PLEKHA6: variants seen among roughly 807,000 people sequenced by gnomAD.
The protein encoded by PLEKHA6 is pleckstrin homology domain containing A6.
PLEKHA6 carries 60 observed loss-of-function variants against 116.7 expected under a neutral mutation model. The ratio of observed to expected loss-of-function variants is 0.51; its 90% CI spans 0.42 to 0.64. The LOEUF is 0.64. PLEKHA6 is among the 30% of genes least tolerant of loss of function. The probability of loss-of-function intolerance (pLI) is 0.00; values close to 1 mark genes in which losing one functional copy is unlikely to be tolerated. For synonymous variants in PLEKHA6, 489 were observed against 556.1 expected, an observed-to-expected ratio of 0.88 and a Z score of 1.70; for missense variants, 1,338 against 1,422.7, an observed-to-expected ratio of 0.94 and a Z score of 0.96.
In PLEKHA6 at chr1:204,259,207, C is replaced by T; in HGVS notation, c.1007+51G>A. 1 of 1,583,874 alleles carries T rather than the reference C, an allele frequency of 6.3e-7. No individual in the cohort carries two copies. The highest frequency in any genetic ancestry group is 8.6e-7 in the Non-Finnish European group (1 of 1,166,600). ...CGTGGGCTATGACCCCACTCGCACG[C>T]TCTAGCCATAATACCATATCAGCCC... On this transcript the variant is annotated intron_variant, in intron 8 of 22. Coordinates refer to ENST00000272203, the MANE Select transcript of PLEKHA6 (RefSeq NM_014935.5). This position sits in a 1 kb window ranked among gnomAD's most constrained non-coding sequence, Gnocchi z 4.6.
chr1:204,374,424 G>A (rs1572239866), intron 1 of PLEKHA6, among the ~76,000 whole-genome samples: 1 of 152,146 alleles, frequency 6.6e-6, no homozygotes, highest in Non-Finnish European at 1.5e-5. Flanking sequence ...AGGATCTTAT[G>A]TCTTAATGAA....
chr1:204,367,480 G>A (rs1182164617), intron 3 of PLEKHA6, among the ~76,000 whole-genome samples: 1 of 152,134 alleles, frequency 6.6e-6, no homozygotes, highest in African/African-American at 2.4e-5. Context: ...CTGCCTGTGT[G>A]TCTAGAACAG....
In PLEKHA6 at chr1:204,257,957, G is replaced by A; in HGVS notation, c.1008-88C>T. ...CCCCACCTCCAGGTCCCCCAGCCTA[G>A]AGCAGGGTGCTTGAATAGGTACACA... is the stretch of plus-strand genomic sequence containing the variant. On this transcript the variant is annotated intron_variant, in intron 8 of 22. Coordinates refer to ENST00000272203, the MANE Select transcript of PLEKHA6 (RefSeq NM_014935.5). The surrounding 1 kb of genome is among the most constrained non-coding windows in gnomAD (Gnocchi z 6.5). 8.0e-7 allele frequency: 1 copy of A among 1,254,794 alleles called. No individual in the cohort carries two copies. Among genetic ancestry groups the A allele is most frequent in the East Asian group, 2.4e-5 (1 of 41,998 alleles). 77.7% of individuals were successfully genotyped at this position (1,254,794 alleles called of 1,614,324 possible).
intron 3 of PLEKHA6, among the ~76,000 whole-genome samples, chr1:204,366,954 G>T (rs1033591839): frequency 3.9e-5 from 6 of 152,180 alleles, no homozygotes; most frequent in Admixed American, 1.3e-4. Context: ...CTAGACTGGG[G>T]CTCCCTCTGG....
intron 1 of PLEKHA6, among the ~76,000 whole-genome samples, chr1:204,314,932 T>G (rs1671797728): frequency 6.6e-6 from 1 of 152,138 alleles, no homozygotes; most frequent in Non-Finnish European, 1.5e-5. Context: ...GGTATCAATG[T>G]AGGCCTCGGT....
chr1:204,292,051 T>A (rs936043475), intron 1 of PLEKHA6, among the ~76,000 whole-genome samples: 13 of 152,332 alleles, frequency 8.5e-5, no homozygotes, highest in African/African-American at 2.4e-4. Flanking sequence ...CCTGCTTTAG[T>A]CTGACAGAAA....
In PLEKHA6 at chr1:204,277,983, A is replaced by C. The variant is rs1240931697; in HGVS notation, c.-94-3174T>G. ...GGAAGAGGGCAGCAAATGGGGCTTG[A>C]GAGGGGGTCACTGTGTGTTTATGGC... On this transcript the variant is annotated intron_variant, in intron 1 of 22. Coordinates refer to ENST00000272203, the MANE Select transcript of PLEKHA6 (RefSeq NM_014935.5). The surrounding 1 kb of genome is among the most constrained non-coding windows in gnomAD (Gnocchi z 4.1). The C allele has an allele frequency of 1.3e-5, 2 of 152,258 alleles. No individual in the cohort carries two copies. Among genetic ancestry groups the C allele is most frequent in the African/African-American group, 4.8e-5 (2 of 41,454 alleles). 9.4% of individuals were successfully genotyped at this position (152,258 alleles called of 1,614,324 possible).
At chr1:204,256,923 T>G (rs1665385002) in intron 9 of PLEKHA6, 1 of 602,628 alleles carries the variant, frequency 1.7e-6, no homozygotes, top group Non-Finnish European at 3.0e-6. Context: ...GTGAGGGGTC[T>G]GGCTGGGACA....
At chr1:204,281,420 G>A (rs1481007814) in intron 1 of PLEKHA6, among the ~76,000 whole-genome samples, 2 of 152,110 alleles carry the variant, frequency 1.3e-5, no homozygotes, top group African/African-American at 4.8e-5. Context: ...AGCTACTCAG[G>A]AGGCTGAGGC....
chr1:204,276,551 G>A (rs1193547583), intron 1 of PLEKHA6, among the ~76,000 whole-genome samples: 2 of 151,604 alleles, frequency 1.3e-5, no homozygotes, highest in East Asian at 1.9e-4. Context: ...CAGGGCACCC[G>A]CCCCCTGCCC....
chr1:204,250,437 G>T, intron 10 of PLEKHA6, 109 bp downstream of exon 10: 1 of 765,822 alleles, frequency 1.3e-6, no homozygotes. Context: ...GAGATAGATG[G>T]AGAGACAGCC....
chr1:204,344,034 A>C (rs1238033979), intron 1 of PLEKHA6, among the ~76,000 whole-genome samples: 1 of 152,146 alleles, frequency 6.6e-6, no homozygotes, highest in Non-Finnish European at 1.5e-5. Context: ...CGTGCCTATA[A>C]TCCCAGCTAC....
At chr1:204,246,973 A>G (rs1221059891) in intron 13 of PLEKHA6, among the ~76,000 whole-genome samples, 1 of 152,054 alleles carries the variant, frequency 6.6e-6, no homozygotes, top group Non-Finnish European at 1.5e-5. Context: ...CTGACTCTAC[A>G]AAAAATACAA....
chr1:204,320,923 G>A (rs148844300), intron 1 of PLEKHA6, among the ~76,000 whole-genome samples: 30 of 152,286 alleles, frequency 2.0e-4, no homozygotes, highest in Admixed American at 1.0e-3. Flanking sequence ...TCTGGTACAT[G>A]CCAGGCAGCC....
chr1:204,295,332 A>G (rs1670163386), intron 1 of PLEKHA6, among the ~76,000 whole-genome samples: 1 of 152,090 alleles, frequency 6.6e-6, no homozygotes, highest in African/African-American at 2.4e-5. Flanking sequence ...TCTACTAAAA[A>G]TACAAAAAGT....
At position 204,312,190 on chromosome 1, in the gene PLEKHA6, C is replaced by T. The variant is rs1328668667; in HGVS notation, c.-94-37381G>A. 3.3e-5 allele frequency among the ~76,000 whole-genome samples: 5 copies of T among 152,324 alleles called. No individual in the cohort carries two copies. The East Asian group carries it at 7.7e-4, about 23-fold the overall frequency. ...TCAGCTTCAAAACCCAGTCTTTTCCCTACAGTCCAAGGCTTCCATGACAGT... is the reference window on the plus strand; with the variant it reads ...TCAGCTTCAAAACCCAGTCTTTTCCTTACAGTCCAAGGCTTCCATGACAGT... On this transcript the variant is annotated intron_variant, in intron 1 of 22. Coordinates refer to ENST00000272203, the MANE Select transcript of PLEKHA6 (RefSeq NM_014935.5).
At chr1:204,298,690 C>T (rs17333627) in intron 1 of PLEKHA6, among the ~76,000 whole-genome samples, 31,064 of 152,218 alleles carry the variant, frequency 0.2, 3,661 homozygotes, top group South Asian at 0.29. Flanking sequence ...TAACCCATTT[C>T]TAGAAACTGG....
intron 14 of PLEKHA6, 33 bp downstream of exon 14, chr1:204,245,582 G>A: frequency 7.7e-7 from 1 of 1,293,826 alleles, no homozygotes; most frequent in Non-Finnish European, 1.1e-6. Context: ...GGTGAGGCAG[G>A]CAGCCTAGGA....
chr1:204,324,355 C>G (rs1268533839), intron 1 of PLEKHA6, among the ~76,000 whole-genome samples: 1 of 152,002 alleles, frequency 6.6e-6, no homozygotes, highest in Non-Finnish European at 1.5e-5. Context: ...CAAAGACATG[C>G]TGAAAAGATT....
Sources: allele counts gnomAD v4.1 joint callset (sites outside exome capture counted in the v4.1 genomes callset), GRCh38; gene constraint gnomAD v4.1.1; non-coding constraint Gnocchi (gnomAD v3.1); transcripts MANE v1.5; gene names NCBI Gene and HGNC (gene_info 2026-07-23, HGNC 2026-07-21).